The following EPHB1 variants were observed in gnomAD, a reference collection of about 807,000 sequenced individuals.
The protein encoded by EPHB1 is ephrin type-B receptor 1.
EPHB1 carries 30 observed loss-of-function variants against 94.4 expected under a neutral mutation model. The ratio of observed to expected loss-of-function variants is 0.32; its 90% CI spans 0.24 to 0.43. The LOEUF (loss-of-function observed/expected upper bound fraction) is 0.43. Ranked by LOEUF, EPHB1 falls within the 20% of genes least tolerant of loss-of-function variation. EPHB1 has a pLI of 1.00. For missense variants in EPHB1, 1,055 were observed against 1,308.3 expected, an observed-to-expected ratio of 0.81 and a Z score of 2.99; for synonymous variants, 522 against 489.1, an observed-to-expected ratio of 1.07 and a Z score of -0.89.
At chr3:135,182,770 T>G (rs1942189596) in intron 10 of EPHB1, among the ~76,000 whole-genome samples, 1 of 152,210 alleles carries the variant, frequency 6.6e-6, no homozygotes, top group African/African-American at 2.4e-5. Flanking sequence ...GAACATGACC[T>G]TCCAGCAGTG....
At chr3:135,206,411 T>G (rs904433305) in intron 12 of EPHB1, among the ~76,000 whole-genome samples, 4 of 152,260 alleles carry the variant, frequency 2.6e-5, no homozygotes, top group Non-Finnish European at 5.9e-5. Context: ...CTTGACATAT[T>G]AAGTTCATTA....
chr3:135,248,249 G>A, intron 13 of EPHB1, 67 bp from the exon 14 acceptor site: 3 of 1,431,494 alleles, frequency 2.1e-6, no homozygotes, highest in Non-Finnish European at 2.8e-6. Context: ...ATATAAAGGG[G>A]ATAATTTGTG....
chr3:135,207,820 G>C (rs1195209755), intron 12 of EPHB1, among the ~76,000 whole-genome samples: 1 of 152,140 alleles, frequency 6.6e-6, no homozygotes, highest in African/African-American at 2.4e-5. Flanking sequence ...TCTTATTGAG[G>C]GCTCTATTCC....
intron 9 of EPHB1, among the ~76,000 whole-genome samples, chr3:135,173,076 C>T (rs548981219): frequency 1.3e-5 from 2 of 150,540 alleles, no homozygotes; most frequent in Admixed American, 6.6e-5. Context: ...GCTCTGTCGC[C>T]CAGGCTGGAG....
intron 10 of EPHB1, among the ~76,000 whole-genome samples, chr3:135,182,917 C>A (rs1198563467): frequency 6.6e-6 from 1 of 152,112 alleles, no homozygotes; most frequent in Non-Finnish European, 1.5e-5. Flanking sequence ...TGGGAATGGG[C>A]AAATGCTACA....
At chr3:135,137,975 G>A (rs1309330911) in intron 5 of EPHB1, among the ~76,000 whole-genome samples, 1 of 152,202 alleles carries the variant, frequency 6.6e-6, no homozygotes, top group Non-Finnish European at 1.5e-5. Flanking sequence ...AGCTAATGAT[G>A]AGGTAGGAAG....
At position 134,951,488 on chromosome 3, in the gene EPHB1, G is replaced by T. The variant is rs2107715439; in HGVS notation, c.241G>T (p.Gly81Trp). Residue 81 changes from glycine to tryptophan, a missense_variant, in exon 3 of 16, where the codon GGG becomes TGG. Gly to Trp is a radical substitution (Grantham distance 184). Transcript: ENST00000398015. The surrounding 1 kb of genome is among the most constrained non-coding windows in gnomAD (Gnocchi z 4.5). ...GCTCACCACCTTCATCAACCGGCGG[G>T]GGGCCCATCGCATCTACACAGAGAT... ...WLLTTFINRR[G>W]AHRIYTEMRF... 6.2e-7 allele frequency: 1 copy of T among 1,612,874 alleles called. No homozygotes were observed. Among genetic ancestry groups the T allele is most frequent in the Non-Finnish European group, 8.5e-7 (1 of 1,179,464 alleles).
intron 11 of EPHB1, among the ~76,000 whole-genome samples, chr3:135,198,633 C>T (rs1204149468): frequency 1.3e-5 from 2 of 152,106 alleles, no homozygotes; most frequent in East Asian, 3.9e-4. Context: ...AGTTCTGGTC[C>T]CAGGTGTCCT....
chr3:135,048,237 T>C (rs1476401809), intron 3 of EPHB1, among the ~76,000 whole-genome samples: 1 of 142,208 alleles, frequency 7.0e-6, no homozygotes, highest in African/African-American at 2.8e-5. Context: ...TTTTTTTTTT[T>C]CTTTTTCTTT....
intron 1 of EPHB1, among the ~76,000 whole-genome samples, chr3:134,920,491 G>C (rs1226216263): frequency 5.3e-5 from 8 of 152,138 alleles, no homozygotes; most frequent in Non-Finnish European, 1.0e-4. Flanking sequence ...CTGTGGACTT[G>C]CCTTATCAAA....
At chr3:134,825,487 C>T (rs185830721) in intron 1 of EPHB1, among the ~76,000 whole-genome samples, 1 of 152,340 alleles carries the variant, frequency 6.6e-6, no homozygotes, top group Non-Finnish European at 1.5e-5. Context: ...GAAGTAATAT[C>T]CCACAGGGGA....
At chr3:134,952,414 T>C (rs575421450) in intron 3 of EPHB1, among the ~76,000 whole-genome samples, 1 of 151,920 alleles carries the variant, frequency 6.6e-6, no homozygotes, top group Admixed American at 6.6e-5. Context: ...CACCCCTATA[T>C]CCTGCATCCA....
At chr3:135,090,203 T>C (rs1203949558) in intron 3 of EPHB1, among the ~76,000 whole-genome samples, 1 of 152,196 alleles carries the variant, frequency 6.6e-6, no homozygotes, top group Admixed American at 6.5e-5. Context: ...TCACATGATC[T>C]CCAGGGATCC....
In EPHB1 at chr3:135,245,954, T is replaced by C. The variant is rs893222294; in HGVS notation, c.2497-2362T>C. Among the ~76,000 whole-genome samples the C allele has an allele frequency of 1.1e-4, 17 of 152,258 alleles. No homozygotes were observed. The East Asian group carries it at 2.9e-3, about 26-fold the overall frequency. Reference sequence around the variant, plus strand: ...CATGGGTCCCCATTCTCTTGATCCCTTGCCAAAAGAGGTTGGGTCAGCTGG... The same window carrying C: ...CATGGGTCCCCATTCTCTTGATCCCCTGCCAAAAGAGGTTGGGTCAGCTGG... On this transcript the variant is annotated intron_variant, in intron 13 of 15. Transcript: ENST00000398015.
chr3:134,996,705 C>A (rs1935006689), intron 3 of EPHB1, among the ~76,000 whole-genome samples: 1 of 152,082 alleles, frequency 6.6e-6, no homozygotes, highest in South Asian at 2.1e-4. Flanking sequence ...AGTCTGATAG[C>A]TGAAAAACGT....
intron 3 of EPHB1, among the ~76,000 whole-genome samples, chr3:135,098,055 T>C (rs1331468613): frequency 6.6e-6 from 1 of 152,096 alleles, no homozygotes; most frequent in Non-Finnish European, 1.5e-5. Flanking sequence ...CACTCTCCCC[T>C]TCCTCTAAAG....
At chr3:134,922,442 C>A (rs1014691380) in intron 1 of EPHB1, among the ~76,000 whole-genome samples, 1 of 152,176 alleles carries the variant, frequency 6.6e-6, no homozygotes, top group Non-Finnish European at 1.5e-5. Context: ...TCTCTTGCTG[C>A]AAATTCTGTC....
chr3:135,066,813 T>C (rs1177364767), intron 3 of EPHB1, among the ~76,000 whole-genome samples: 1 of 152,224 alleles, frequency 6.6e-6, no homozygotes, highest in Non-Finnish European at 1.5e-5. Context: ...TTTCTTCTCA[T>C]TTGAGTAGGC....
At chr3:135,252,552 T>C (rs1440331753) in intron 15 of EPHB1, among the ~76,000 whole-genome samples, 1 of 149,868 alleles carries the variant, frequency 6.7e-6, no homozygotes, top group African/African-American at 2.4e-5. Context: ...AACTCATCAT[T>C]TTTTATGGCT....
Sources: gnomAD v4.1 joint callset for allele counts (sites outside exome capture counted in the v4.1 genomes callset) on GRCh38, gnomAD v4.1.1 for gene constraint, Gnocchi (gnomAD v3.1) non-coding constraint, MANE v1.5 for transcripts, NCBI Gene and HGNC (gene_info 2026-07-23, HGNC 2026-07-21) for gene names.